NPS: variants seen among roughly 807,000 people sequenced by gnomAD.
The protein encoded by NPS is neuropeptide S.
A neutral mutation model predicts 7.2 loss-of-function variants in NPS; 6 were observed. The ratio of observed to expected loss-of-function variants is 0.83; its 90% CI spans 0.46 to 1.64. The LOEUF (loss-of-function observed/expected upper bound fraction) is 1.64. NPS is among the 40% of genes most tolerant of loss of function. NPS has a pLI of 0.01. For missense variants in NPS, 123 were observed against 97.8 expected, an observed-to-expected ratio of 1.26 and a Z score of -1.09; for synonymous variants, 42 against 36.7, an observed-to-expected ratio of 1.14 and a Z score of -0.52.
chr10:127,550,719 G>T (rs1844850120), intron 2 of NPS, among the ~76,000 whole-genome samples: 1 of 151,958 alleles, frequency 6.6e-6, no homozygotes, highest in Admixed American at 6.6e-5. Context: ...TTCTATTTTT[G>T]CACGTGACAG....
At chr10:127,551,555 C>A (rs1310382171) in intron 2 of NPS, among the ~76,000 whole-genome samples, 2 of 152,078 alleles carry the variant, frequency 1.3e-5, no homozygotes, top group East Asian at 1.9e-4. Context: ...GAGTCAGATG[C>A]CTTGAAAATA....
At chr10:127,552,288 A>G (rs953134076) in intron 2 of NPS, among the ~76,000 whole-genome samples, 172 bp from the exon 3 acceptor site, 5 of 152,180 alleles carry the variant, frequency 3.3e-5, no homozygotes, top group African/African-American at 1.2e-4. Flanking sequence ...ATCACCCCAA[A>G]TAATATTTTG....
At position 127,553,384 on chromosome 10, in the gene NPS, A is replaced by G. The variant is rs1210436125; in HGVS notation, c.*745A>G. Among the ~76,000 whole-genome samples, 2 of 152,160 alleles carry G rather than the reference A, an allele frequency of 1.3e-5. No individual in the cohort carries two copies. The highest frequency in any genetic ancestry group is 2.4e-5 in the African/African-American group (1 of 41,438). On this transcript the variant is annotated 3_prime_UTR_variant, in exon 3 of 3. Coordinates refer to ENST00000398023, the MANE Select transcript of NPS (RefSeq NM_001030013.2). ...AGCCATTTGGAAACCTGTTCCCCAA[A>G]CTATGCTGATTAATGCCCTCTCCTT...
At chr10:127,551,954 G>A (rs1174563729) in intron 2 of NPS, among the ~76,000 whole-genome samples, 1 of 152,166 alleles carries the variant, frequency 6.6e-6, no homozygotes, top group African/African-American at 2.4e-5. Context: ...ACATTATCCA[G>A]CCTCGAGCCA....
At chr10:127,551,462 T>C (rs993246159) in intron 2 of NPS, among the ~76,000 whole-genome samples, 3 of 152,166 alleles carry the variant, frequency 2.0e-5, no homozygotes, top group African/African-American at 7.2e-5. Context: ...TTTTACCTTG[T>C]AGTATGTCTC....
Position 127,552,759 on chromosome 10 carries a change from T to C in NPS, c.*120T>C, listed in dbSNP as rs971496699. ...GCTCTCTATTCTCAAATATCTTTCC[T>C]CTCCTGACTGGTACAGAGTAAATTG... On this transcript the variant is annotated 3_prime_UTR_variant, in exon 3 of 3. Coordinates refer to ENST00000398023, the MANE Select transcript of NPS (RefSeq NM_001030013.2). 3.1e-5 allele frequency: 21 copies of C among 683,358 alleles called. No individual in the cohort carries two copies. Among genetic ancestry groups the C allele is most frequent in the Non-Finnish European group, 5.1e-5 (20 of 392,852 alleles). The allele number at this position is 683,358 out of a possible 1,614,324, so 42.3% of individuals were successfully genotyped here. A position where few individuals can be genotyped will look rare whatever the true frequency, so the allele number is the denominator to read the frequency against.
intron 2 of NPS, among the ~76,000 whole-genome samples, chr10:127,551,380 C>T (rs1018886498): frequency 3.3e-5 from 5 of 152,030 alleles, no homozygotes; most frequent in African/African-American, 4.8e-5. Flanking sequence ...ACTCTGGCCC[C>T]GTTTCGACTT....
intron 2 of NPS, among the ~76,000 whole-genome samples, chr10:127,551,579 C>G (rs763385987): frequency 2.0e-5 from 3 of 152,172 alleles, no homozygotes; most frequent in Non-Finnish European, 4.4e-5. Context: ...GTATCTACTT[C>G]ACAGAGTTTT....
chr10:127,549,581 G>C lies in NPS; in HGVS notation c.90+11G>C, dbSNP rs749979823. The stretch of plus-strand genomic sequence containing the variant: ...GTTCCATCTTCTAAGGTAAGGATTT[G>C]CCTCCGTTGTGGATATTTAAATAGA... On this transcript the variant is annotated intron_variant, in intron 2 of 2. Transcript: ENST00000398023. The C allele has an allele frequency of 4.0e-6, 6 of 1,513,046 alleles. No individual in the cohort carries two copies. Among genetic ancestry groups the C allele is most frequent in the Non-Finnish European group, 5.5e-6 (6 of 1,088,532 alleles). The allele number at this position is 1,513,046 out of a possible 1,614,324, so 93.7% of individuals were successfully genotyped here. A position where few individuals can be genotyped will look rare whatever the true frequency, so the allele number is the denominator to read the frequency against.
intron 2 of NPS, among the ~76,000 whole-genome samples, chr10:127,552,080 T>C (rs1265960935): frequency 6.6e-6 from 1 of 152,250 alleles, no homozygotes. Flanking sequence ...GAAAAGTGGT[T>C]CTGATTGACA....
At chr10:127,550,766 T>A (rs1409551372) in intron 2 of NPS, among the ~76,000 whole-genome samples, 3 of 152,184 alleles carry the variant, frequency 2.0e-5, no homozygotes, top group Non-Finnish European at 4.4e-5. Flanking sequence ...GTAGTAAGAG[T>A]GTGGATGCTA....
chr10:127,551,399 T>TA (rs1844857732), intron 2 of NPS, among the ~76,000 whole-genome samples: 1 of 152,064 alleles, frequency 6.6e-6, no homozygotes, highest in Non-Finnish European at 1.5e-5. Context: ...TTCCATACAG[T>TA]AACCTGAGAC....
rs1844866787 is a variant in NPS, at chr10:127,552,500, G to A, written c.131G>A (p.Ser44Asn). 3 of 1,611,918 alleles carry A rather than the reference G, an allele frequency of 1.9e-6. No individual in the cohort carries two copies. Among genetic ancestry groups the A allele is most frequent in the African/African-American group, 1.3e-5 (1 of 74,982 alleles). The change falls in exon 3 of 3, where the codon AGC (serine) becomes AAC (asparagine). Residue 44 changes from serine to asparagine, a missense_variant. Coordinates refer to ENST00000398023, the MANE Select transcript of NPS (RefSeq NM_001030013.2). Reference sequence around the variant, plus strand: ...GATTACTTTCTCATTCTGCTGAACAGCTGCCCAACCAGATTGGACAGGAGC... The same window carrying A: ...GATTACTTTCTCATTCTGCTGAACAACTGCCCAACCAGATTGGACAGGAGC... ...KSDYFLILLN[S>N]CPTRLDRSKE...
In NPS at chr10:127,553,074, G is replaced by T. The variant is rs749354008; in HGVS notation, c.*435G>T. On this transcript the variant is annotated 3_prime_UTR_variant, in exon 3 of 3. Transcript: ENST00000398023. ...ACAGGCTCAATTCTTGGGGTGGGGG[G>T]ATGTGCTATTTCTGTTTCTAAGGGG... Among the ~76,000 whole-genome samples, 2 of 151,976 alleles carry T rather than the reference G, an allele frequency of 1.3e-5. No individual in the cohort carries two copies. The highest frequency in any genetic ancestry group is 2.9e-5 in the Non-Finnish European group (2 of 68,004).
chr10:127,549,315 G>C lies in NPS; in HGVS notation c.-54G>C, dbSNP rs1844834261. ...ACCCAATGAGGGTCTGAGAGTAAGT[G>C]TGAGAAATTTGGCAATAAAACCACC... On this transcript the variant is annotated 5_prime_UTR_variant, in exon 1 of 3. Transcript: ENST00000398023. The C allele has an allele frequency of 6.6e-7, 1 of 1,523,650 alleles. No homozygotes were observed. Among genetic ancestry groups the C allele is most frequent in the South Asian group, 1.1e-5 (1 of 88,606 alleles). The allele number at this position is 1,523,650 out of a possible 1,614,324, so 94.4% of individuals were successfully genotyped here.
rs1591158386 is a variant in NPS, at chr10:127,553,535, C to A, written c.*896C>A. 6.6e-6 allele frequency among the ~76,000 whole-genome samples: 1 copy of A among 152,210 alleles called. No homozygotes were observed. The highest frequency in any genetic ancestry group is 1.9e-4 in the East Asian group (1 of 5,186). ...AATGCATAATGTTAATAAATCTGTT[C>A]ACGCATATTGGATTCTGCAGCACAC... On this transcript the variant is annotated 3_prime_UTR_variant, in exon 3 of 3. Transcript: ENST00000398023.
At chr10:127,552,350 G>T in intron 2 of NPS, 110 bp from the exon 3 acceptor site, 1 of 673,256 alleles carries the variant, frequency 1.5e-6, no homozygotes, top group Non-Finnish European at 2.6e-6. Flanking sequence ...CCTTTAAGAT[G>T]ATTGATATAT....
At chr10:127,551,434 T>C (rs1249865402) in intron 2 of NPS, among the ~76,000 whole-genome samples, 8 of 151,888 alleles carry the variant, frequency 5.3e-5, no homozygotes, top group Non-Finnish European at 1.2e-4. Flanking sequence ...TGCACCAAGA[T>C]AGAAAAAAAA....
intron 2 of NPS, among the ~76,000 whole-genome samples, chr10:127,549,964 A>T (rs983625245): frequency 1.6e-4 from 25 of 152,344 alleles, no homozygotes; most frequent in African/African-American, 6.0e-4. Flanking sequence ...TTTCAGATGC[A>T]GAATATAGAT....
Sources: allele counts gnomAD v4.1 joint callset (sites outside exome capture counted in the v4.1 genomes callset), GRCh38; gene constraint gnomAD v4.1.1; transcripts MANE v1.5; gene names NCBI Gene and HGNC (gene_info 2026-07-23, HGNC 2026-07-21).